The following ATP7B variants were observed in gnomAD, a reference collection of about 807,000 sequenced individuals.
ATP7B encodes copper-transporting ATPase 2.
Under a neutral mutation model 118.9 loss-of-function variants are expected in ATP7B, and 113 were observed. That is an observed-to-expected ratio of 0.95 (90% confidence interval 0.82 to 1.11). The LOEUF (loss-of-function observed/expected upper bound fraction) is 1.11, where lower values mean the gene tolerates loss of function less well. Ranked by LOEUF, ATP7B falls within the 50% of genes most tolerant of loss-of-function variation. The pLI is 0.00. For missense variants in ATP7B, 1,867 were observed against 1,871.4 expected, an observed-to-expected ratio of 1.00 and a Z score of 0.04; for synonymous variants, 777 against 727.4, an observed-to-expected ratio of 1.07 and a Z score of -1.10.
At position 51,950,116 on chromosome 13, in the gene ATP7B, G is replaced by A. The variant is rs121907994; in HGVS notation, c.2621C>T (p.Ala874Val). 5.4e-5 allele frequency: 87 copies of A among 1,614,060 alleles called. No individual in the cohort carries two copies. In the East Asian group the frequency reaches 7.4e-4, roughly 14 times the overall value. Residue 874 changes from alanine (A) to valine (V), a missense_variant, in exon 11 of 21, where the codon GCG becomes GTG. Ala to Val is a moderately conservative substitution (Grantham distance 64, BLOSUM62 0). Transcript: ENST00000242839. ...VTKKPGSTVI[A>V]GSINAHGSVL... ...AGAGCCATGTGCATTTATAGACCCC[G>A]CAATTACAGTGCTTCCGGGTTTCTT...
chr13:51,934,070 T>C lies in ATP7B; in HGVS notation c.*686A>G, dbSNP rs1018729198. ...GTGTGGCAAGCTCCCTGGCTGGGGATGTGTGAGCCAGGAAGCAGGTTCAAG... is the reference window on the plus strand; with the variant it reads ...GTGTGGCAAGCTCCCTGGCTGGGGACGTGTGAGCCAGGAAGCAGGTTCAAG... On this transcript the variant is annotated 3_prime_UTR_variant, in exon 21 of 21. Transcript: ENST00000242839. 1 of 153,856 alleles carries C rather than the reference T, an allele frequency of 6.5e-6. No homozygotes were observed. The highest frequency in any genetic ancestry group is 2.4e-5 in the African/African-American group (1 of 41,410). The allele number at this position is 153,856 out of a possible 1,614,324, so 9.5% of individuals were successfully genotyped here.
At chr13:51,971,043 C>T (rs1951817878) in intron 2 of ATP7B, among the ~76,000 whole-genome samples, 1 of 152,160 alleles carries the variant, frequency 6.6e-6, no homozygotes, top group African/African-American at 2.4e-5. Context: ...GTAACTTCAC[C>T]TTATCTTTCA....
chr13:51,973,783 A>G, intron 2 of ATP7B, 152 bp downstream of exon 2: 8 of 1,214,074 alleles, frequency 6.6e-6, no homozygotes, highest in Non-Finnish European at 9.4e-6. Flanking sequence ...CTATCTTAAC[A>G]AATTTAACAT....
intron 1 of ATP7B, among the ~76,000 whole-genome samples, chr13:51,997,176 C>T (rs967548610): frequency 6.6e-6 from 1 of 152,212 alleles, no homozygotes; most frequent in African/African-American, 2.4e-5. Flanking sequence ...CTGCTGACCA[C>T]CTGACATTTC....
At chr13:51,969,138 A>T (rs1356304343) in intron 3 of ATP7B, among the ~76,000 whole-genome samples, 3 of 149,066 alleles carry the variant, frequency 2.0e-5, no homozygotes, top group South Asian at 2.1e-4. Flanking sequence ...TTTTTTTTTA[A>T]AAAAAAAAAG....
intron 1 of ATP7B, among the ~76,000 whole-genome samples, chr13:51,985,237 T>C (rs534013458): frequency 1.2e-3 from 178 of 151,562 alleles, no homozygotes; most frequent in Non-Finnish European, 2.1e-3. Context: ...ACCAAGCAAA[T>C]GGAAAGCAAA....
chr13:51,937,571 T>C lies in ATP7B; in HGVS notation c.3808A>G (p.Asn1270Asp), dbSNP rs916557902. 2 of 1,614,128 alleles carry C rather than the reference T, an allele frequency of 1.2e-6. No homozygotes were observed. The highest frequency in any genetic ancestry group is 2.7e-5 in the African/African-American group (2 of 74,952). Residue 1270 changes from asparagine (N) to aspartate (D), a missense_variant, in exon 18 of 21, where the codon AAT becomes GAT. Physicochemically the swap from Asn to Asp is conservative, Grantham distance 23 (BLOSUM62 1). Coordinates refer to ENST00000242839, the MANE Select transcript of ATP7B (RefSeq NM_000053.4). ...GCCTGGGCCAAGGCCGGGGAGTCAT[T>C]GACCCCATCCCCCACCATGGCGACT... ...KKVAMVGDGV[N>D]DSPALAQADM...
chr13:51,961,740 G>A lies in ATP7B; in HGVS notation c.1946+97C>T, dbSNP rs1593738639. Reference sequence around the variant, plus strand: ...GTAAAGGCAGCTAATCCAGGAGGAAGGCACCATGGGAAGACAAGACCAGCT... The same window carrying A: ...GTAAAGGCAGCTAATCCAGGAGGAAAGCACCATGGGAAGACAAGACCAGCT... On this transcript the variant is annotated intron_variant, in intron 6 of 20. Coordinates refer to ENST00000242839, the MANE Select transcript of ATP7B (RefSeq NM_000053.4). 6.0e-6 allele frequency: 7 copies of A among 1,169,288 alleles called. No individual in the cohort carries two copies. The East Asian group carries it at 1.7e-4, about 28-fold the overall frequency. 72.4% of individuals were successfully genotyped at this position (1,169,288 alleles called of 1,614,324 possible). A position where few individuals can be genotyped will look rare whatever the true frequency, so the allele number is the denominator to read the frequency against.
In ATP7B at chr13:51,950,400, C is replaced by G; in HGVS notation, c.2448-1G>C. 1.9e-6 allele frequency: 3 copies of G among 1,613,954 alleles called. No homozygotes were observed. The South Asian group carries it at 3.3e-5, about 18-fold the overall frequency. The stretch of plus-strand genomic sequence containing the variant: ...CAGCTCCATGGGGACTTGCTCCTCC[C>G]TGCAACAAACGCCACTTATCACTCA... On this transcript the variant is annotated splice_acceptor_variant, in intron 9 of 20. Coordinates refer to ENST00000242839, the MANE Select transcript of ATP7B (RefSeq NM_000053.4). LOFTEE classifies it high-confidence loss of function.
chr13:51,966,779 T>C (rs1404794971), intron 4 of ATP7B: 82 of 1,603,576 alleles, frequency 5.1e-5, no homozygotes, highest in Non-Finnish European at 6.8e-5. Flanking sequence ...AGATGGCGCC[T>C]GCTGGACAGC....
In ATP7B at chr13:51,964,889, T is replaced by C. The variant is rs1951464803; in HGVS notation, c.1852A>G (p.Ile618Val). 1.9e-6 allele frequency: 3 copies of C among 1,614,214 alleles called. No individual in the cohort carries two copies. Among genetic ancestry groups the C allele is most frequent in the Non-Finnish European group, 2.5e-6 (3 of 1,180,026 alleles). The change falls in exon 5 of 21, where the codon ATT (isoleucine) becomes GTT (valine). Residue 618 changes from isoleucine to valine, a missense_variant. Coordinates refer to ENST00000242839, the MANE Select transcript of ATP7B (RefSeq NM_000053.4). The part of the protein sequence containing the change: ...FDPEIIGPRD[I>V]IKIIEEIGFH... ...TTACTTACCTCAATAATTTTGATAA[T>C]ATCCCGTGGACCGATAATTTCCGGG...
chr13:51,990,513 A>T (rs750357082), intron 1 of ATP7B, among the ~76,000 whole-genome samples: 6 of 152,256 alleles, frequency 3.9e-5, no homozygotes, highest in Non-Finnish European at 5.9e-5. Flanking sequence ...CTGTATTAAG[A>T]CAGTCCTCTT....
chr13:51,957,825 G>A (rs1958457177), intron 8 of ATP7B: 13 of 562,016 alleles, frequency 2.3e-5, no homozygotes, highest in South Asian at 1.6e-4. Flanking sequence ...ACTAAAGTCC[G>A]GGAATTACAT....
intron 20 of ATP7B, 139 bp from the exon 21 acceptor site, chr13:51,935,168 A>G: frequency 8.0e-7 from 1 of 1,251,868 alleles, no homozygotes; most frequent in Middle Eastern, 2.7e-4. Context: ...GGAAAAGGAC[A>G]TTAAACTCCC....
chr13:51,944,220 C>T lies in ATP7B; in HGVS notation c.3132G>A (p.Leu1044=). The change falls in exon 14 of 21, where the codon CTG becomes CTA. Residue 1044 remains leucine, a synonymous_variant. Coordinates refer to ENST00000242839, the MANE Select transcript of ATP7B (RefSeq NM_000053.4). ...HGVPRVMRVL[L]LGDVATLPLR... Reference sequence around the variant, plus strand: ...GGGGCAGTGTGGCCACATCCCCCAGCAGGAGCACCCGCATGACCCTGGGGA... The same window carrying T: ...GGGGCAGTGTGGCCACATCCCCCAGTAGGAGCACCCGCATGACCCTGGGGA... 6.2e-7 allele frequency: 1 copy of T among 1,614,152 alleles called. No individual in the cohort carries two copies. Among genetic ancestry groups the T allele is most frequent in the East Asian group, 2.2e-5 (1 of 44,872 alleles).
rs115227204 is a variant in ATP7B, at chr13:51,958,492, C to A, written c.2174G>T (p.Arg725Met). The change falls in exon 8 of 21, where the codon AGG becomes ATG. Residue 725 changes from arginine (R) to methionine (M), a missense_variant. By Grantham distance (91) the Arg-to-Met change is moderately conservative (BLOSUM62 -1). Coordinates refer to ENST00000242839, the MANE Select transcript of ATP7B (RefSeq NM_000053.4). ...YVQAYKSLRH[R>M]SANMDVLIVL... ...GATGAGCACGTCCATGTTGGCTGAC[C>A]TGTGTCTCAGAGATTTGTAGGCCTG... 1.4e-5 allele frequency: 23 copies of A among 1,614,104 alleles called. No homozygotes were observed. Among genetic ancestry groups the A allele is most frequent in the Non-Finnish European group, 1.9e-5 (22 of 1,180,052 alleles).
intron 7 of ATP7B, chr13:51,959,445 A>G (rs1958585203): frequency 6.6e-6 from 1 of 150,496 alleles, no homozygotes; most frequent in East Asian, 2.0e-4. Context: ...GGAGTTCAAG[A>G]CTACAGTGAA....
rs1951682163 is a variant in ATP7B at position 51,968,527 on chromosome 13, T to C, written c.1624A>G (p.Ile542Val). 6.2e-7 allele frequency: 1 copy of C among 1,614,026 alleles called. No homozygotes were observed. The highest frequency in any genetic ancestry group is 1.3e-5 in the African/African-American group (1 of 74,898). The change falls in exon 4 of 21, where the codon ATA becomes GTA. Residue 542 changes from isoleucine (I) to valine (V), a missense_variant. Coordinates refer to ENST00000242839, the MANE Select transcript of ATP7B (RefSeq NM_000053.4). ...CCCAGGTCCTGGATGAACTGAGCTA[T>C]CTCGAGGGGCTGGATGACCTCTGGG... is the stretch of plus-strand genomic sequence containing the variant. ...YDPEVIQPLEIAQFIQDLGFE... is the reference protein window; with the variant it reads ...YDPEVIQPLEVAQFIQDLGFE...
chr13:52,004,924 C>T (rs894631375), intron 1 of ATP7B, among the ~76,000 whole-genome samples: 7 of 152,198 alleles, frequency 4.6e-5, no homozygotes, highest in African/African-American at 1.7e-4. Flanking sequence ...GCAGTTAGCA[C>T]CACATGGACA....
Sources: allele counts gnomAD v4.1 joint callset (sites outside exome capture counted in the v4.1 genomes callset), GRCh38; gene constraint gnomAD v4.1.1; transcripts MANE v1.5; gene names NCBI Gene and HGNC (gene_info 2026-07-23, HGNC 2026-07-21).